CP: variants seen among roughly 807,000 people sequenced by gnomAD.
CP encodes ceruloplasmin.
A neutral mutation model predicts 122.4 loss-of-function variants in CP; 64 were observed. That is an observed-to-expected ratio of 0.52 (90% confidence interval 0.43 to 0.64). CP has a LOEUF of 0.64. Among genes scored for constraint, CP ranks in the 30% least tolerant of loss-of-function variants. The probability of loss-of-function intolerance (pLI) is 0.00; values close to 1 mark genes in which losing one functional copy is unlikely to be tolerated. For synonymous variants in CP, 440 were observed against 436.4 expected, an observed-to-expected ratio of 1.01 and a Z score of -0.10; for missense variants, 1,167 against 1,284.4, an observed-to-expected ratio of 0.91 and a Z score of 1.40.
chr3:149,190,723 A>C (rs1456147800), intron 9 of CP, among the ~76,000 whole-genome samples: 1 of 151,968 alleles, frequency 6.6e-6, no homozygotes, highest in Non-Finnish European at 1.5e-5. Flanking sequence ...CCTTTTTAAA[A>C]GTCAAAATAA....
At chr3:149,185,581 G>A (rs1726113336) in intron 11 of CP, 135 bp from the exon 12 acceptor site, 3 of 763,106 alleles carry the variant, frequency 3.9e-6, no homozygotes, top group Non-Finnish European at 4.2e-6. Context: ...TGCTCACCCT[G>A]CTCCATCCAT....
At chr3:149,171,551 T>A (rs1471624295), downstream of CP, among the ~76,000 whole-genome samples, 1 of 152,184 alleles carries the variant, frequency 6.6e-6, no homozygotes, top group East Asian at 1.9e-4. Flanking sequence ...AATGAAATAA[T>A]AAATCCAAAT....
intron 9 of CP, among the ~76,000 whole-genome samples, chr3:149,196,709 T>C (rs1048159409): frequency 2.6e-5 from 4 of 151,890 alleles, no homozygotes; most frequent in Non-Finnish European, 5.9e-5. Context: ...TATGCTTAAA[T>C]CCACGAGTGC....
At chr3:149,181,975 C>CGGGGGGGGGGGGCG in intron 14 of CP, 30 bp downstream of exon 14, 1 of 1,088,426 alleles carries the variant, frequency 9.2e-7, no homozygotes, top group Non-Finnish European at 1.4e-6. Flanking sequence ...TGTTAAAATG[C>CGGGGGGGGGGGGCG]ACCACCCCCA....
At chr3:149,179,434 A>C (rs976357726) in intron 15 of CP, 122 bp downstream of exon 15, 5 of 783,716 alleles carry the variant, frequency 6.4e-6, no homozygotes, top group Non-Finnish European at 8.7e-6. Context: ...AGTAGATTGC[A>C]AACAGTTTAT....
chr3:149,204,093 A>G (rs1416252950), intron 6 of CP, among the ~76,000 whole-genome samples: 1 of 152,242 alleles, frequency 6.6e-6, no homozygotes, highest in Non-Finnish European at 1.5e-5. Context: ...AAAATATGGC[A>G]GAAGCATAGC....
intron 18 of CP, among the ~76,000 whole-genome samples, chr3:149,174,615 TG>T (rs1449992844): frequency 1.3e-5 from 2 of 152,188 alleles, no homozygotes; most frequent in African/African-American, 4.8e-5. Flanking sequence ...ACTATTGTAT[TG>T]GATTTGGGTA....
intron 1 of CP, among the ~76,000 whole-genome samples, chr3:149,220,140 T>C (rs1334744907): frequency 1.3e-5 from 2 of 152,136 alleles, no homozygotes; most frequent in Admixed American, 6.5e-5. Context: ...CCGCCCCCAT[T>C]CACCAAATTC....
chr3:149,198,843 T>C (rs1727093549), intron 8 of CP, among the ~76,000 whole-genome samples: 1 of 152,242 alleles, frequency 6.6e-6, no homozygotes, highest in Non-Finnish European at 1.5e-5. Flanking sequence ...TTTCATGTTG[T>C]ATTGCGTGTA....
At chr3:149,207,268 G>T in intron 5 of CP, 95 bp downstream of exon 5, 2 of 1,496,888 alleles carry the variant, frequency 1.3e-6, no homozygotes, top group Non-Finnish European at 1.9e-6. Flanking sequence ...CCAGTTCAAA[G>T]CTCAGATTAT....
At chr3:149,187,884 A>G in intron 10 of CP, 168 bp downstream of exon 10, 1 of 685,574 alleles carries the variant, frequency 1.5e-6, no homozygotes, top group South Asian at 1.7e-5. Flanking sequence ...ATAATGGATA[A>G]CTGACAGACA....
In CP at chr3:149,176,330, C is replaced by G. The variant is rs1234930172; in HGVS notation, c.3101G>C (p.Gly1034Ala). The change falls in exon 18 of 19, where the codon GGA becomes GCA. Residue 1034 changes from glycine (G) to alanine (A), a missense_variant. Transcript: ENST00000264613. ...QTLEMFPRTP[G>A]IWLLHCHVTD... ...CACATGGCAGTGGAGTAACCAAATT[C>G]CAGGTGTTCTTGGAAACATTTCTAG... The G allele has an allele frequency of 6.8e-6, 11 of 1,613,444 alleles. No individual in the cohort carries two copies. Among genetic ancestry groups the G allele is most frequent in the Non-Finnish European group, 8.5e-6 (10 of 1,179,570 alleles).
At chr3:149,205,303 A>T (rs1727631089) in intron 6 of CP, among the ~76,000 whole-genome samples, 1 of 150,588 alleles carries the variant, frequency 6.6e-6, no homozygotes, top group African/African-American at 2.4e-5. Context: ...GAGAACAGTA[A>T]TGTGGTTCCT....
chr3:149,199,948 C>T (rs1384315441), intron 7 of CP, 84 bp from the exon 8 acceptor site: 3 of 1,434,164 alleles, frequency 2.1e-6, no homozygotes, highest in Non-Finnish European at 2.9e-6. Context: ...TGACTGTGTT[C>T]TCTGGCAAGA....
exon 6 of CP, chr3:149,162,862 G>A (rs1418072038): frequency 3.7e-6 from 6 of 1,613,386 alleles, no homozygotes; most frequent in Admixed American, 1.7e-5. Context: ...ACACCATTGC[G>A]AACATCGGAG....
chr3:149,177,718 A>G (rs1725506871), intron 17 of CP, 122 bp downstream of exon 17: 8 of 1,010,240 alleles, frequency 7.9e-6, no homozygotes, highest in Non-Finnish European at 1.3e-5. Flanking sequence ...ATCCACGGAT[A>G]TGAAGCACCG....
intron 6 of CP, among the ~76,000 whole-genome samples, chr3:149,204,805 C>T (rs1293595053): frequency 2.0e-5 from 3 of 151,976 alleles, no homozygotes; most frequent in East Asian, 3.9e-4. Flanking sequence ...TGTAAAAAAT[C>T]GATAGTAGAA....
At chr3:149,187,172 A>G (rs1450295033) in intron 10 of CP, among the ~76,000 whole-genome samples, 1 of 152,194 alleles carries the variant, frequency 6.6e-6, no homozygotes, top group Non-Finnish European at 1.5e-5. Flanking sequence ...GAAAGGTCAT[A>G]TGTAGGAGGT....
At chr3:149,192,149 A>G (rs1032351676) in intron 9 of CP, among the ~76,000 whole-genome samples, 2 of 152,094 alleles carry the variant, frequency 1.3e-5, no homozygotes, top group Non-Finnish European at 2.9e-5. Flanking sequence ...CATGTATTTA[A>G]AACTTTACAA....
Sources: allele counts gnomAD v4.1 joint callset (sites outside exome capture counted in the v4.1 genomes callset), GRCh38; gene constraint gnomAD v4.1.1; transcripts MANE v1.5; gene names NCBI Gene and HGNC (gene_info 2026-07-23, HGNC 2026-07-21).